IPO11: variants seen among roughly 807,000 people sequenced by gnomAD.
The protein encoded by IPO11 is importin 11, also known as importin-11.
IPO11 carries 66 observed loss-of-function variants against 143.2 expected under a neutral mutation model. That is an observed-to-expected ratio of 0.46 (90% CI 0.38 to 0.57). IPO11 has a LOEUF of 0.57. IPO11 is among the 20% of genes least tolerant of loss of function. The pLI, the probability that IPO11 is intolerant of heterozygous loss-of-function variation, is 0.00. For synonymous variants in IPO11, 385 were observed against 377.8 expected (o/e 1.02, Z -0.22); for missense variants, 1,026 against 1,141.0 (o/e 0.90, Z 1.45).
At chr5:62,430,878 A>G (rs934348519) in intron 1 of IPO11, among the ~76,000 whole-genome samples, 1 of 151,436 alleles carries the variant, frequency 6.6e-6, no homozygotes, top group African/African-American at 2.4e-5. Context: ...GGGTTTCACC[A>G]TGTTGGCCAG....
chr5:62,551,504 G>A (rs1743389839), intron 26 of IPO11, among the ~76,000 whole-genome samples, 168 bp downstream of exon 26: 1 of 152,174 alleles, frequency 6.6e-6, no homozygotes, highest in African/African-American at 2.4e-5. Context: ...AAAAGAATCT[G>A]TAAGTGGCAC....
At chr5:62,537,142 G>A (rs1253931188) in intron 23 of IPO11, 67 bp from the exon 24 acceptor site, 1 of 924,446 alleles carries the variant, frequency 1.1e-6, no homozygotes, top group African/African-American at 1.6e-5. Flanking sequence ...AATCCCAAAT[G>A]AAATTTTATG....
At chr5:62,514,229 G>A (rs969600407) in intron 19 of IPO11, among the ~76,000 whole-genome samples, 11 of 152,076 alleles carry the variant, frequency 7.2e-5, no homozygotes, top group Non-Finnish European at 1.5e-4. Context: ...ACTTTGGGGG[G>A]CCAAGGCAGG....
chr5:62,554,344 C>A (rs1743494851), intron 26 of IPO11, among the ~76,000 whole-genome samples: 4 of 152,228 alleles, frequency 2.6e-5, no homozygotes, highest in South Asian at 2.1e-4. Flanking sequence ...TTAGTAAAAT[C>A]TTTTCCCTGA....
At chr5:62,454,495 A>G (rs1459535919) in intron 5 of IPO11, among the ~76,000 whole-genome samples, 2 of 152,182 alleles carry the variant, frequency 1.3e-5, no homozygotes, top group Non-Finnish European at 2.9e-5. Flanking sequence ...TTCACTCTCT[A>G]ATATGTTGCC....
chr5:62,560,882 A>G (rs548539710), intron 26 of IPO11: 2 of 256,912 alleles, frequency 7.8e-6, no homozygotes, highest in South Asian at 1.3e-4. Flanking sequence ...TGATACTACT[A>G]AAATCACTCA....
intron 29 of IPO11, among the ~76,000 whole-genome samples, chr5:62,604,407 T>C (rs969917492): frequency 1.3e-5 from 2 of 152,138 alleles, no homozygotes; most frequent in African/African-American, 4.8e-5. Flanking sequence ...CACGGGGTTT[T>C]GCCATGTTGG....
At chr5:62,429,626 G>GTA (rs1175505078) in intron 1 of IPO11, among the ~76,000 whole-genome samples, 1 of 135,762 alleles carries the variant, frequency 7.4e-6, no homozygotes, top group Non-Finnish European at 1.6e-5. Context: ...GTGTGTGTGT[G>GTA]TATGTGTTTA....
intron 5 of IPO11, among the ~76,000 whole-genome samples, chr5:62,465,337 T>C (rs902150765): frequency 3.9e-5 from 6 of 152,378 alleles, no homozygotes; most frequent in African/African-American, 1.2e-4. Context: ...ATTTCAGTCT[T>C]TTATTTTCCA....
At chr5:62,580,194 C>T (rs1229197153) in intron 27 of IPO11, 10 of 1,550,960 alleles carry the variant, frequency 6.4e-6, no homozygotes, top group Non-Finnish European at 8.7e-6. Context: ...AAGGACTTGC[C>T]AATCTGGAAT....
At chr5:62,481,425 A>G (rs929179996) in intron 9 of IPO11, among the ~76,000 whole-genome samples, 1 of 152,064 alleles carries the variant, frequency 6.6e-6, no homozygotes, top group Non-Finnish European at 1.5e-5. Context: ...TTATTTTGAG[A>G]TATGTCCCAT....
intron 1 of IPO11, among the ~76,000 whole-genome samples, chr5:62,421,948 A>G (rs1019161269): frequency 6.6e-6 from 1 of 152,224 alleles, no homozygotes; most frequent in Non-Finnish European, 1.5e-5. Flanking sequence ...GAAGATGTCT[A>G]TATTTGGAGA....
At chr5:62,504,608 T>C in intron 16 of IPO11, 59 bp from the exon 17 acceptor site, 2 of 1,017,344 alleles carry the variant, frequency 2.0e-6, no homozygotes, top group Non-Finnish European at 1.5e-6. Flanking sequence ...TTTTGTTTGA[T>C]ATTAATGATG....
intron 1 of IPO11, among the ~76,000 whole-genome samples, chr5:62,424,930 A>G (rs921454221): frequency 1.3e-5 from 2 of 152,154 alleles, no homozygotes; most frequent in Non-Finnish European, 2.9e-5. Context: ...ACTCAAAAAC[A>G]CATTCATGTC....
At chr5:62,535,671 AGACAGGGTAG>A in intron 22 of IPO11, among the ~76,000 whole-genome samples, 1 of 152,202 alleles carries the variant, frequency 6.6e-6, no homozygotes, top group Non-Finnish European at 1.5e-5. Context: ...AGACATTTTG[AGACAGGGTAG>A]GATTGTCATT....
chr5:62,591,747 ATCAC>A (rs534333761), intron 28 of IPO11, 75 bp downstream of exon 28: 196 of 918,138 alleles, frequency 2.1e-4, no homozygotes, highest in Non-Finnish European at 8.1e-5. Flanking sequence ...TTTTTTCACC[ATCAC>A]TCTATAAGCA....
At chr5:62,579,271 C>A in intron 27 of IPO11, 1 of 661,196 alleles carries the variant, frequency 1.5e-6, no homozygotes, top group Non-Finnish European at 2.6e-6. Flanking sequence ...TTTGCTATTA[C>A]CATGGTATGA....
chr5:62,501,625 T>C (rs190539017), intron 16 of IPO11, among the ~76,000 whole-genome samples: 267 of 152,316 alleles, frequency 1.8e-3, no homozygotes, highest in African/African-American at 6.2e-3. Context: ...AGGAAACTTA[T>C]TCATATAACA....
intron 20 of IPO11, among the ~76,000 whole-genome samples, chr5:62,516,736 A>G (rs1342091518): frequency 1.3e-5 from 2 of 152,184 alleles, no homozygotes; most frequent in Non-Finnish European, 2.9e-5. Context: ...AACAAAATTT[A>G]CCGTTTTAAC....
Sources: allele counts gnomAD v4.1 joint callset (sites outside exome capture counted in the v4.1 genomes callset), GRCh38; gene constraint gnomAD v4.1.1; transcripts MANE v1.5; gene names NCBI Gene and HGNC (gene_info 2026-07-23, HGNC 2026-07-21).